Variants in TRMT2B observed in about 807,000 individuals in gnomAD.
TRMT2B encodes the protein tRNA (uracil-5-)-methyltransferase homolog B.
Under a neutral mutation model 39.7 loss-of-function variants are expected in TRMT2B, and 34 were observed. That is an observed-to-expected ratio of 0.86 (90% CI 0.65 to 1.14). The LOEUF is 1.14. Ranked by LOEUF, TRMT2B falls within the 50% of genes most tolerant of loss-of-function variation. The pLI is 0.00. For synonymous variants in TRMT2B, 132 were observed against 137.3 expected, an observed-to-expected ratio of 0.96 and a Z score of 0.27; for missense variants, 318 against 377.2, an observed-to-expected ratio of 0.84 and a Z score of 1.30.
the TRMT2B span, among the ~76,000 whole-genome samples, chrX:100,984,275 G>C: frequency 9.1e-6 from 1 of 109,397 alleles, no homozygotes; most frequent in Non-Finnish European, 1.9e-5. Flanking sequence ...CACCGCACCC[G>C]GCTAAGTTGT....
chrX:100,994,017 A>T, the TRMT2B span, among the ~76,000 whole-genome samples: 1 of 112,038 alleles, frequency 8.9e-6, no homozygotes. Flanking sequence ...TTAGGGAAGG[A>T]GCTCGGTGAG....
chrX:101,021,004 T>C, intron 10 of TRMT2B, 97 bp downstream of exon 10: 1 of 779,092 alleles, frequency 1.3e-6, no homozygotes, highest in Non-Finnish European at 1.9e-6. Flanking sequence ...AGGTTATACC[T>C]GCACCACTAC....
chrX:101,046,932 C>CA (rs754574032), intron 2 of TRMT2B, among the ~76,000 whole-genome samples: 6 of 106,529 alleles, frequency 5.6e-5, no homozygotes, highest in Middle Eastern at 5.4e-3. Flanking sequence ...GTCCCCCCAG[C>CA]AAAAAAAAGT....
the TRMT2B span, chrX:100,973,547 T>C: frequency 1.1e-6 from 1 of 929,937 alleles, no homozygotes; most frequent in East Asian, 3.4e-5. Context: ...TTGGATAGAA[T>C]GAAGTAATAG....
chrX:101,023,319 TCTC>T lies in TRMT2B; in HGVS notation c.756+148_756+150del, dbSNP rs758056758. The T allele has an allele frequency of 3.2e-4, 172 of 535,455 alleles. No individual in the cohort carries two copies. In the African/African-American group the frequency reaches 3.7e-3, roughly 12 times the overall value. 44.1% of individuals were successfully genotyped at this position (535,455 alleles called of 1,213,427 possible). ...TGGTTAAATAGTATCCTTGCCATCT[TCTC>T]CTCATCCCTAACCCCTCTCCCCAAT... On this transcript the variant is annotated intron_variant, in intron 8 of 13. Transcript: ENST00000372936.
intron 13 of TRMT2B, among the ~76,000 whole-genome samples, chrX:101,018,655 GT>G (rs2086647186): frequency 9.1e-6 from 1 of 109,437 alleles, no homozygotes; most frequent in African/African-American, 3.3e-5. Flanking sequence ...GTTTCACTGT[GT>G]TCCCCAGGGT....
At chrX:100,974,955 AAGT>A in the TRMT2B span, among the ~76,000 whole-genome samples, 4 of 111,382 alleles carry the variant, frequency 3.6e-5, no homozygotes, top group African/African-American at 1.3e-4. Flanking sequence ...GACCTACCTG[AAGT>A]GCTCATCAAT....
intron 2 of TRMT2B, among the ~76,000 whole-genome samples, chrX:101,045,186 G>C (rs1290653315): frequency 9.1e-6 from 1 of 110,470 alleles, no homozygotes; most frequent in Non-Finnish European, 1.9e-5. Context: ...TGGGCGCAGT[G>C]GCTCACACCT....
chrX:101,027,531 G>A (rs1476818393), intron 7 of TRMT2B, among the ~76,000 whole-genome samples: 3 of 109,398 alleles, frequency 2.7e-5, no homozygotes, highest in Admixed American at 2.0e-4. Context: ...CGTGAGCCAC[G>A]GACTCCTGTT....
intron 13 of TRMT2B, among the ~76,000 whole-genome samples, chrX:101,018,210 T>C (rs2086616174): frequency 9.1e-6 from 1 of 110,316 alleles, no homozygotes; most frequent in Non-Finnish European, 1.9e-5. Context: ...GGTGTGGTGG[T>C]GTGCACCTGT....
At chrX:101,001,687 T>C in the TRMT2B span, among the ~76,000 whole-genome samples, 2 of 110,568 alleles carry the variant, frequency 1.8e-5, no homozygotes, top group Non-Finnish European at 3.8e-5. Flanking sequence ...AATGGAGGCA[T>C]GTTAAGTGAC....
At position 101,026,221 on chromosome X, in the gene TRMT2B, C is replaced by T. The variant is rs780387602; in HGVS notation, c.610-2605G>A. Among the ~76,000 whole-genome samples the T allele has an allele frequency of 2.7e-5, 3 of 110,925 alleles. No individual in the cohort carries two copies. In the South Asian group the frequency reaches 1.2e-3, roughly 43 times the overall value. ...GGTGCAGTGTCTCTCGCCTATAATC[C>T]CAGTATTCTGGGAGGCCAAGGCAGG... On this transcript the variant is annotated intron_variant, in intron 7 of 13. Coordinates refer to ENST00000372936, the MANE Select transcript of TRMT2B (RefSeq NM_024917.6).
Position 101,051,841 on chromosome X carries a change from G to T in TRMT2B, c.-531C>A. On this transcript the variant is annotated 5_prime_UTR_variant, in exon 1 of 14. It adds an upstream start codon to the 5' untranslated region. Coordinates refer to ENST00000372936, the MANE Select transcript of TRMT2B (RefSeq NM_024917.6). ...CCTGAGGCGGCAAACTAAAAGGCCAGCGGATGGCCTGGTTTGCTGCGGCGG... is the reference window on the plus strand; with the variant it reads ...CCTGAGGCGGCAAACTAAAAGGCCATCGGATGGCCTGGTTTGCTGCGGCGG... The T allele has an allele frequency of 2.9e-6, 1 of 347,491 alleles. No individual in the cohort carries two copies. The highest frequency in any genetic ancestry group is 3.7e-6 in the Non-Finnish European group (1 of 267,137). 28.6% of individuals were successfully genotyped at this position (347,491 alleles called of 1,213,427 possible).
downstream of TRMT2B, among the ~76,000 whole-genome samples, chrX:101,007,548 T>C (rs1323443653): frequency 9.0e-6 from 1 of 110,871 alleles, no homozygotes; most frequent in Non-Finnish European, 1.9e-5. Context: ...CCCAGCTACT[T>C]GGGAGGCTGA....
intron 2 of TRMT2B, among the ~76,000 whole-genome samples, chrX:101,050,885 T>C (rs1276451635): frequency 9.5e-6 from 1 of 105,287 alleles, no homozygotes; most frequent in Non-Finnish European, 1.9e-5. Context: ...CTACTAAAAA[T>C]ACAAAAATTA....
At chrX:101,032,526 G>A (rs1298325783) in intron 7 of TRMT2B, among the ~76,000 whole-genome samples, 4 of 108,534 alleles carry the variant, frequency 3.7e-5, no homozygotes, top group African/African-American at 1.3e-4. Context: ...GGCAGAGGTA[G>A]CAGTGAGCCA....
rs139652026 is a variant in TRMT2B at position 101,050,741 on chromosome X, A to T, written c.-24+510T>A. ...CTCTGTCTCAAAAATAAAAATAAAA[A>T]ATAAAAAATAAATGCTTGGGGGCCA... On this transcript the variant is annotated intron_variant, in intron 2 of 13. Transcript: ENST00000372936. Among the ~76,000 whole-genome samples, 244 of 101,400 alleles carry T rather than the reference A, an allele frequency of 2.4e-3. 4 individuals carry two copies. Among genetic ancestry groups the T allele is most frequent in the African/African-American group, 8.1e-3 (220 of 27,103 alleles). 88.1% of individuals were successfully genotyped at this position (101,400 alleles called of 115,157 possible).
intron 10 of TRMT2B, 62 bp from the exon 11 acceptor site, chrX:101,020,650 GTTTT>G: frequency 2.5e-6 from 2 of 789,205 alleles, no homozygotes; most frequent in South Asian, 4.4e-5. Flanking sequence ...TAGTTTGTTT[GTTTT>G]TTGTTTAGTT....
chrX:100,993,863 TTCCCCCA>T, the TRMT2B span, among the ~76,000 whole-genome samples: 1 of 111,818 alleles, frequency 8.9e-6, no homozygotes, highest in Non-Finnish European at 1.9e-5. Flanking sequence ...ACCAGGCAAT[TTCCCCCA>T]GTGAAGGCAG....
Sources: gnomAD v4.1 joint callset for allele counts (sites outside exome capture counted in the v4.1 genomes callset) on GRCh38, gnomAD v4.1.1 for gene constraint, MANE v1.5 for transcripts, NCBI Gene and HGNC (gene_info 2026-07-23, HGNC 2026-07-21) for gene names.